The following UBE4B variants were observed in gnomAD, a reference collection of about 807,000 sequenced individuals.
UBE4B encodes ubiquitination factor E4B.
Under a neutral mutation model 148.1 loss-of-function variants are expected in UBE4B, and 27 were observed. The observed-to-expected ratio is 0.18, with a 90% CI of 0.13 to 0.25. UBE4B has a LOEUF of 0.25. Ranked by LOEUF, UBE4B falls within the 10% of genes least tolerant of loss-of-function variation. UBE4B has a pLI of 1.00. For missense variants in UBE4B, 1,170 were observed against 1,662.4 expected, an observed-to-expected ratio of 0.70 and a Z score of 5.15; for synonymous variants, 596 against 619.3, an observed-to-expected ratio of 0.96 and a Z score of 0.56.
chr1:10,179,001 A>T (rs548885243), intron 26 of UBE4B, 183 bp downstream of exon 26: 4 of 639,232 alleles, frequency 6.3e-6, no homozygotes, highest in Non-Finnish European at 9.7e-6. Flanking sequence ...AGGAAGAAAC[A>T]TCCTTAGCTT....
intron 3 of UBE4B, among the ~76,000 whole-genome samples, chr1:10,099,485 A>C (rs1257280240): frequency 1.3e-5 from 2 of 152,186 alleles, no homozygotes; most frequent in Non-Finnish European, 2.9e-5. Flanking sequence ...TTATTGATAG[A>C]CCTTAAAGAA....
In UBE4B at chr1:10,167,637, G is replaced by A. The variant is rs990576274; in HGVS notation, c.3199-499G>A. Among the ~76,000 whole-genome samples, 37 of 135,952 alleles carry A rather than the reference G, an allele frequency of 2.7e-4. 1 individual carries two copies. The East Asian group carries it at 5.2e-3, about 19-fold the overall frequency. The allele number at this position is 135,952 out of a possible 152,430, so 89.2% of individuals were successfully genotyped here. On this transcript the variant is annotated intron_variant, in intron 23 of 27. Transcript: ENST00000343090. ...GAGACGGAGTCTCACTCTGTCACTA[G>A]GCTGGAGTACAGTGGCGCGATCTCA...
At chr1:10,068,337 CTTTTCTTTTTTCT>C (rs566698421) in intron 1 of UBE4B, among the ~76,000 whole-genome samples, 2,083 of 146,516 alleles carry the variant, frequency 0.014, 28 homozygotes, top group South Asian at 0.025. Context: ...GCACAGTTTT[CTTTTCTTTTTTCT>C]TTTTCTTTTT....
intron 2 of UBE4B, among the ~76,000 whole-genome samples, chr1:10,083,086 G>C (rs915364200): frequency 4.6e-5 from 7 of 151,988 alleles, no homozygotes; most frequent in Non-Finnish European, 1.0e-4. Flanking sequence ...CCATGTCTTT[G>C]CTATTGTAAA....
At chr1:10,146,233 C>G (rs1435770534) in intron 18 of UBE4B, among the ~76,000 whole-genome samples, 1 of 152,122 alleles carries the variant, frequency 6.6e-6, no homozygotes, top group African/African-American at 2.4e-5. Context: ...AGGCAGATCA[C>G]CTGAGGTCAG....
At chr1:10,048,471 G>T (rs548599377) in intron 1 of UBE4B, among the ~76,000 whole-genome samples, 2 of 152,242 alleles carry the variant, frequency 1.3e-5, no homozygotes, top group Non-Finnish European at 2.9e-5. Flanking sequence ...CATAAATGCG[G>T]AAGACAAGAG....
chr1:10,148,523 T>G (rs1389753067), intron 19 of UBE4B, among the ~76,000 whole-genome samples: 1 of 149,320 alleles, frequency 6.7e-6, no homozygotes, highest in East Asian at 2.0e-4. Context: ...TCCCAGCTAC[T>G]CGGGAGGCTG....
chr1:10,128,235 CT>C (rs553722617), intron 11 of UBE4B: 98 of 152,290 alleles, frequency 6.4e-4, no homozygotes, highest in African/African-American at 1.9e-3. Flanking sequence ...CAGTGAGGAG[CT>C]TTTAGCATCT....
chr1:10,161,054 T>G lies in UBE4B; in HGVS notation c.3054-88T>G, dbSNP rs2102009290. 6.8e-7 allele frequency: 1 copy of G among 1,472,520 alleles called. No individual in the cohort carries two copies. Among genetic ancestry groups the G allele is most frequent in the Middle Eastern group, 1.8e-4 (1 of 5,588 alleles). The allele number at this position is 1,472,520 out of a possible 1,614,324, so 91.2% of individuals were successfully genotyped here. On this transcript the variant is annotated intron_variant, in intron 22 of 27. Coordinates refer to ENST00000343090, the MANE Select transcript of UBE4B (RefSeq NM_001105562.3). This position sits in a 1 kb window ranked among gnomAD's most constrained non-coding sequence, Gnocchi z 4.1. ...CTTTTAGGGTGAGATAGTTGCAGTC[T>G]GGGTGGAGGTGCTTGTTCCCTGGGA...
intron 7 of UBE4B, among the ~76,000 whole-genome samples, chr1:10,111,224 A>G (rs569175063): frequency 2.0e-5 from 3 of 151,828 alleles, no homozygotes; most frequent in Non-Finnish European, 2.9e-5. Flanking sequence ...ACACACACAC[A>G]CACCACGCGC....
intron 21 of UBE4B, among the ~76,000 whole-genome samples, chr1:10,153,518 AGG>A (rs1035676165): frequency 1.4e-5 from 2 of 145,174 alleles, no homozygotes; most frequent in African/African-American, 5.0e-5. Flanking sequence ...AAAAAAAAAA[AGG>A]GTAAAAAGAC....
Position 10,106,637 on chromosome 1 carries a change from T to C in UBE4B, c.1196+54T>C, listed in dbSNP as rs965937688. ...GTGTTTGCGGTGCAGGGAAAGGAGA[T>C]TAACACGGTTTGGAAGAAGTGCTGT... is the stretch of plus-strand genomic sequence containing the variant. On this transcript the variant is annotated intron_variant, in intron 7 of 27. Transcript: ENST00000343090. This position sits in a 1 kb window ranked among gnomAD's most constrained non-coding sequence, Gnocchi z 4.2. The C allele has an allele frequency of 6.7e-7, 1 of 1,484,406 alleles. No individual in the cohort carries two copies. The highest frequency in any genetic ancestry group is 1.4e-5 in the African/African-American group (1 of 71,334). The allele number at this position is 1,484,406 out of a possible 1,614,324, so 92.0% of individuals were successfully genotyped here.
chr1:10,044,121 C>G (rs941686665), intron 1 of UBE4B, among the ~76,000 whole-genome samples: 1 of 151,854 alleles, frequency 6.6e-6, no homozygotes, highest in Admixed American at 6.6e-5. Flanking sequence ...TCACTGCAAC[C>G]TCCACCTGCC....
intron 7 of UBE4B, among the ~76,000 whole-genome samples, chr1:10,111,205 C>G (rs889194296): frequency 1.3e-5 from 2 of 151,844 alleles, no homozygotes; most frequent in Non-Finnish European, 2.9e-5. Flanking sequence ...CACGTACACT[C>G]CACATACTAC....
At chr1:10,107,297 A>T (rs1203211834) in intron 7 of UBE4B, 18 of 1,289,482 alleles carry the variant, frequency 1.4e-5, no homozygotes, top group African/African-American at 7.6e-5. Context: ...ATGAAGAAGA[A>T]GATGATGATG....
intron 15 of UBE4B, among the ~76,000 whole-genome samples, chr1:10,134,368 C>T (rs560544053): frequency 8.6e-5 from 13 of 151,950 alleles, no homozygotes; most frequent in East Asian, 5.8e-4. Context: ...AAAAATTTGC[C>T]GGGCGTGGTG....
Position 10,117,451 on chromosome 1 carries a change from C to A in UBE4B, c.1197-8C>A, listed in dbSNP as rs1227878491. 10 of 1,605,222 alleles carry A rather than the reference C, an allele frequency of 6.2e-6. No individual in the cohort carries two copies. The highest frequency in any genetic ancestry group is 8.5e-6 in the Non-Finnish European group (10 of 1,177,898). On this transcript the variant is annotated splice_region_variant and splice_polypyrimidine_tract_variant and intron_variant, in intron 7 of 27. Coordinates refer to ENST00000343090, the MANE Select transcript of UBE4B (RefSeq NM_001105562.3). Reference sequence around the variant, plus strand: ...AAGAATCAGAATTTCTTCTTGTCTTCTCTGAAGTTTGGGAGCCTCTGGTGG... The same window carrying A: ...AAGAATCAGAATTTCTTCTTGTCTTATCTGAAGTTTGGGAGCCTCTGGTGG...
chr1:10,085,793 C>A (rs1298617064), intron 2 of UBE4B, among the ~76,000 whole-genome samples: 1 of 148,912 alleles, frequency 6.7e-6, no homozygotes, highest in African/African-American at 2.5e-5. Flanking sequence ...TATTCAGTGA[C>A]TTTTTTTTTT....
intron 3 of UBE4B, among the ~76,000 whole-genome samples, chr1:10,098,498 G>C (rs987376774): frequency 2.6e-5 from 4 of 152,154 alleles, no homozygotes; most frequent in Non-Finnish European, 5.9e-5. Flanking sequence ...GACTAGTTCT[G>C]TCCTGTAGAC....
Sources: allele counts gnomAD v4.1 joint callset (sites outside exome capture counted in the v4.1 genomes callset), GRCh38; gene constraint gnomAD v4.1.1; non-coding constraint Gnocchi (gnomAD v3.1); transcripts MANE v1.5; gene names NCBI Gene and HGNC (gene_info 2026-07-23, HGNC 2026-07-21).